The following LRRC4C variants were observed in gnomAD, a reference collection of about 807,000 sequenced individuals.
LRRC4C encodes the protein leucine-rich repeat-containing protein 4C.
In LRRC4C, 5 loss-of-function variants were observed where a neutral mutation model predicts 33.6. That is an observed-to-expected ratio of 0.15 (90% CI 0.08 to 0.31). The LOEUF is 0.31. LRRC4C is among the 10% of genes least tolerant of loss of function. LRRC4C has a pLI of 1.00. For missense variants in LRRC4C, 560 were observed against 796.7 expected (o/e 0.70, Z 3.58); for synonymous variants, 329 against 302.0 (o/e 1.09, Z -0.93).
intron 1 of LRRC4C, among the ~76,000 whole-genome samples, chr11:41,059,735 T>C (rs946624392): frequency 6.6e-6 from 1 of 152,082 alleles, no homozygotes; most frequent in Non-Finnish European, 1.5e-5. Flanking sequence ...ACTGAAAGTT[T>C]GTTAGAAATG....
chr11:41,090,420 T>TA lies in LRRC4C; in HGVS notation c.-495-156698dup, dbSNP rs1000856901. On this transcript the variant is annotated intron_variant, in intron 1 of 6. Transcript: ENST00000528697. Reference sequence around the variant, plus strand: ...TCCTATATTGAGCATGCACTGCATTTAAAAAAAATAAAGACACAAACATAT... The same window carrying TA: ...TCCTATATTGAGCATGCACTGCATTTAAAAAAAAATAAAGACACAAACATAT... Among the ~76,000 whole-genome samples the TA allele has an allele frequency of 5.3e-5, 8 of 152,030 alleles. No individual in the cohort carries two copies. In the East Asian group the frequency reaches 7.7e-4, roughly 15 times the overall value.
At chr11:40,870,151 G>C (rs1473041103) in intron 2 of LRRC4C, among the ~76,000 whole-genome samples, 1 of 152,068 alleles carries the variant, frequency 6.6e-6, no homozygotes, top group Non-Finnish European at 1.5e-5. Flanking sequence ...AAAACAACAA[G>C]CCATGTGGAG....
At chr11:40,878,270 G>A (rs2135997495) in intron 2 of LRRC4C, among the ~76,000 whole-genome samples, 1 of 152,254 alleles carries the variant, frequency 6.6e-6, no homozygotes, top group Admixed American at 6.5e-5. Flanking sequence ...AGTAAAGCCT[G>A]CCACCAGATG....
chr11:40,540,114 A>G (rs1956642508), intron 3 of LRRC4C, among the ~76,000 whole-genome samples: 1 of 152,290 alleles, frequency 6.6e-6, no homozygotes, highest in African/African-American at 2.4e-5. Context: ...ATTTTGCAGT[A>G]GATAGAATGG....
intron 2 of LRRC4C, among the ~76,000 whole-genome samples, chr11:40,848,631 G>A (rs377764811): frequency 6.6e-6 from 1 of 152,178 alleles, no homozygotes; most frequent in Non-Finnish European, 1.5e-5. Context: ...CTGATTTGGG[G>A]TGGAGAGTTC....
chr11:40,258,548 T>C (rs1198663152), intron 4 of LRRC4C, among the ~76,000 whole-genome samples: 1 of 152,172 alleles, frequency 6.6e-6, no homozygotes, highest in Non-Finnish European at 1.5e-5. Flanking sequence ...AGCAAAATGC[T>C]CCTTATAGAG....
intron 5 of LRRC4C, among the ~76,000 whole-genome samples, chr11:40,202,507 C>T (rs1405501933): frequency 6.6e-6 from 1 of 152,044 alleles, no homozygotes; most frequent in Non-Finnish European, 1.5e-5. Context: ...ACTTTCTGGG[C>T]CTTATTTTCC....
intron 3 of LRRC4C, among the ~76,000 whole-genome samples, chr11:40,513,140 T>C (rs1190645398): frequency 6.7e-6 from 1 of 150,048 alleles, no homozygotes; most frequent in Admixed American, 6.6e-5. Flanking sequence ...TCCCAGCTAC[T>C]TGGGAGGCTG....
intron 2 of LRRC4C, among the ~76,000 whole-genome samples, chr11:40,807,165 A>G (rs72898777): frequency 1.3e-5 from 2 of 152,144 alleles, no homozygotes; most frequent in Admixed American, 1.3e-4. Context: ...TCACCCCCAC[A>G]CAGTTTTTTC....
chr11:40,169,732 C>T (rs1012802392), intron 5 of LRRC4C, among the ~76,000 whole-genome samples: 5 of 152,096 alleles, frequency 3.3e-5, no homozygotes, highest in African/African-American at 9.7e-5. Flanking sequence ...CCATAACCCT[C>T]GTACCAAGTC....
intron 5 of LRRC4C, among the ~76,000 whole-genome samples, chr11:40,231,444 T>C (rs547366677): frequency 7.0e-6 from 1 of 142,842 alleles, no homozygotes; most frequent in Non-Finnish European, 1.5e-5. Flanking sequence ...ATAAGTACAT[T>C]AAATTATCAA....
intron 1 of LRRC4C, among the ~76,000 whole-genome samples, chr11:41,163,284 G>GGTT (rs1555095278): frequency 1.4e-5 from 1 of 73,382 alleles, no homozygotes. Flanking sequence ...TACTGTAACT[G>GGTT]TTTTTTTTTT....
chr11:40,363,833 G>A (rs1288415509), intron 3 of LRRC4C, among the ~76,000 whole-genome samples: 1 of 152,182 alleles, frequency 6.6e-6, no homozygotes. Flanking sequence ...TTTCTAAGCA[G>A]CATACATGGA....
At chr11:40,854,502 T>C (rs1953673289) in intron 2 of LRRC4C, among the ~76,000 whole-genome samples, 1 of 152,194 alleles carries the variant, frequency 6.6e-6, no homozygotes, top group Non-Finnish European at 1.5e-5. Flanking sequence ...TGTGAGGATT[T>C]TGTATACATA....
At chr11:40,952,869 C>A (rs1056528917) in intron 1 of LRRC4C, among the ~76,000 whole-genome samples, 1 of 104,660 alleles carries the variant, frequency 9.6e-6, no homozygotes, top group African/African-American at 3.1e-5. Flanking sequence ...CACACACACA[C>A]ACACACACAC....
chr11:40,288,031 C>T (rs1943960026), intron 4 of LRRC4C, among the ~76,000 whole-genome samples: 2 of 152,300 alleles, frequency 1.3e-5, no homozygotes, highest in East Asian at 3.9e-4. Context: ...TTTAAATGTG[C>T]ATTTATTGAA....
Position 41,391,014 on chromosome 11 carries a change from C to T in LRRC4C, c.-496+68417G>A, listed in dbSNP as rs1367605485. 3.3e-5 allele frequency among the ~76,000 whole-genome samples: 5 copies of T among 149,508 alleles called. No homozygotes were observed. The East Asian group carries it at 9.9e-4, about 30-fold the overall frequency. On this transcript the variant is annotated intron_variant, in intron 1 of 6. Transcript: ENST00000528697. Reference sequence around the variant, plus strand: ...AAAAAAAAAAGTGTCCTGCCTTGGGCCATATAAGTAAGCATTTTGTGAAAG... The same window carrying T: ...AAAAAAAAAAGTGTCCTGCCTTGGGTCATATAAGTAAGCATTTTGTGAAAG...
intron 3 of LRRC4C, among the ~76,000 whole-genome samples, chr11:40,617,744 C>T (rs1565564642): frequency 6.6e-6 from 1 of 151,644 alleles, no homozygotes; most frequent in Non-Finnish European, 1.5e-5. Context: ...CATAATCATA[C>T]ATGCCTAGGA....
chr11:41,374,333 G>T (rs1952860597), intron 1 of LRRC4C, among the ~76,000 whole-genome samples: 1 of 152,010 alleles, frequency 6.6e-6, no homozygotes, highest in South Asian at 2.1e-4. Context: ...CAGATGTGAG[G>T]ATACATTGAT....
Sources: allele counts gnomAD v4.1 joint callset (sites outside exome capture counted in the v4.1 genomes callset), GRCh38; gene constraint gnomAD v4.1.1; transcripts MANE v1.5; gene names NCBI Gene and HGNC (gene_info 2026-07-23, HGNC 2026-07-21).